The following NCKAP5 variants were observed in gnomAD, a reference collection of about 807,000 sequenced individuals.
NCKAP5 encodes nck-associated protein 5.
NCKAP5 carries 92 observed loss-of-function variants against 167.0 expected under a neutral mutation model. That is an observed-to-expected ratio of 0.55 (90% CI 0.47 to 0.66). The LOEUF (loss-of-function observed/expected upper bound fraction) is 0.66. NCKAP5 is among the 30% of genes least tolerant of loss of function. The pLI is 0.00. For synonymous variants in NCKAP5, 891 were observed against 877.4 expected (o/e 1.02, Z -0.27); for missense variants, 2,378 against 2,315.0 (o/e 1.03, Z -0.56).
At chr2:132,775,434 G>A (rs1682465660) in intron 15 of NCKAP5, among the ~76,000 whole-genome samples, 1 of 152,192 alleles carries the variant, frequency 6.6e-6, no homozygotes, top group Admixed American at 6.5e-5. Flanking sequence ...AGGACAGATC[G>A]TTAAGCGTTC....
At chr2:133,005,860 T>C (rs955404386) in intron 6 of NCKAP5, among the ~76,000 whole-genome samples, 8 of 152,196 alleles carry the variant, frequency 5.3e-5, no homozygotes, top group African/African-American at 1.9e-4. Context: ...AGAAAACTAA[T>C]GTAATAACAA....
intron 8 of NCKAP5, among the ~76,000 whole-genome samples, chr2:132,959,161 A>G (rs2076434457): frequency 1.3e-5 from 2 of 150,884 alleles, no homozygotes; most frequent in Admixed American, 1.3e-4. Flanking sequence ...ATGCACAGCC[A>G]GGTTTGTCTA....
chr2:133,049,408 G>T (rs1413113294), intron 6 of NCKAP5, among the ~76,000 whole-genome samples: 4 of 151,992 alleles, frequency 2.6e-5, no homozygotes, highest in Non-Finnish European at 5.9e-5. Context: ...AGCCAGGCGT[G>T]GTGGCAGGCG....
chr2:133,345,667 A>T (rs182729886), intron 3 of NCKAP5, among the ~76,000 whole-genome samples: 2 of 152,332 alleles, frequency 1.3e-5, no homozygotes, highest in Admixed American at 1.3e-4. Flanking sequence ...GAAGGTCTCA[A>T]TAATGTTGAG....
intron 1 of NCKAP5, among the ~76,000 whole-genome samples, chr2:133,564,357 C>T (rs1688395480): frequency 6.6e-6 from 1 of 152,156 alleles, no homozygotes; most frequent in South Asian, 2.1e-4. Context: ...CATTTTAAAT[C>T]TGTTTTTATT....
chr2:132,788,997 C>T (rs1052925782), intron 13 of NCKAP5, among the ~76,000 whole-genome samples: 1 of 152,128 alleles, frequency 6.6e-6, no homozygotes, highest in Non-Finnish European at 1.5e-5. Flanking sequence ...ATGACCATGA[C>T]AGAGCCCTAT....
At chr2:133,196,438 A>G (rs2085440847) in intron 5 of NCKAP5, among the ~76,000 whole-genome samples, 1 of 152,190 alleles carries the variant, frequency 6.6e-6, no homozygotes, top group South Asian at 2.1e-4. Flanking sequence ...GAGGCACACA[A>G]GCGCTTGACA....
intron 6 of NCKAP5, among the ~76,000 whole-genome samples, chr2:133,029,335 G>T (rs2078801381): frequency 6.6e-6 from 1 of 152,092 alleles, no homozygotes; most frequent in African/African-American, 2.4e-5. Flanking sequence ...TCTGAGGTAG[G>T]CATTACTGTC....
chr2:133,128,787 G>A lies in NCKAP5; in HGVS notation c.341+1191C>T, dbSNP rs571188112. Among the ~76,000 whole-genome samples the A allele has an allele frequency of 2.6e-5, 4 of 152,126 alleles. No individual in the cohort carries two copies. The East Asian group carries it at 5.8e-4, about 22-fold the overall frequency. On this transcript the variant is annotated intron_variant, in intron 6 of 19. Coordinates refer to ENST00000409261, the MANE Select transcript of NCKAP5 (RefSeq NM_207363.3). ...TAATTTTTGTGTTTTTAGTAGAGAT[G>A]AGGCTTTGCCATGTTGGCCAGGCTG...
intron 4 of NCKAP5, among the ~76,000 whole-genome samples, chr2:133,287,991 A>G (rs912189778): frequency 6.6e-6 from 1 of 152,202 alleles, no homozygotes; most frequent in African/African-American, 2.4e-5. Flanking sequence ...GGTTTTACAG[A>G]AAAAACTTCC....
chr2:133,325,928 G>A (rs1433330413), intron 3 of NCKAP5, among the ~76,000 whole-genome samples: 1 of 152,180 alleles, frequency 6.6e-6, no homozygotes, highest in Non-Finnish European at 1.5e-5. Context: ...TTTGCCGGAT[G>A]TCATCAAAAA....
intron 3 of NCKAP5, among the ~76,000 whole-genome samples, chr2:133,466,647 G>C (rs1293273741): frequency 1.3e-5 from 2 of 152,166 alleles, no homozygotes; most frequent in Non-Finnish European, 2.9e-5. Context: ...CATGAGCATG[G>C]AATGTTCTTC....
intron 8 of NCKAP5, among the ~76,000 whole-genome samples, chr2:132,880,449 G>A (rs1691657719): frequency 6.6e-6 from 1 of 152,170 alleles, no homozygotes; most frequent in Non-Finnish European, 1.5e-5. Flanking sequence ...GGCCAACAGG[G>A]TGAAACCCCA....
the NCKAP5 span, among the ~76,000 whole-genome samples, chr2:133,623,176 A>G: frequency 5.9e-5 from 9 of 152,218 alleles, no homozygotes; most frequent in Non-Finnish European, 1.0e-4. Flanking sequence ...ACTTAACTCT[A>G]AGACCTGAAA....
At chr2:133,467,358 G>C (rs1010327320) in intron 3 of NCKAP5, among the ~76,000 whole-genome samples, 1 of 152,160 alleles carries the variant, frequency 6.6e-6, no homozygotes, top group Non-Finnish European at 1.5e-5. Flanking sequence ...CAGGGATGAA[G>C]CCCACTTGAT....
intron 6 of NCKAP5, among the ~76,000 whole-genome samples, chr2:133,017,104 C>T (rs1035537204): frequency 1.3e-4 from 20 of 152,250 alleles, no homozygotes; most frequent in African/African-American, 3.8e-4. Flanking sequence ...ATAATATGAA[C>T]GATGTCTGCA....
chr2:132,837,059 G>A (rs139412453), intron 11 of NCKAP5, among the ~76,000 whole-genome samples: 98 of 152,322 alleles, frequency 6.4e-4, no homozygotes, highest in Non-Finnish European at 1.1e-3. Flanking sequence ...GTAGTAGGTT[G>A]AGCATTTCAT....
intron 4 of NCKAP5, among the ~76,000 whole-genome samples, chr2:133,289,730 A>AG: frequency 6.6e-6 from 1 of 151,890 alleles, no homozygotes; most frequent in Non-Finnish European, 1.5e-5. Context: ...AACAAACAAA[A>AG]AAAAACAGCA....
At chr2:133,020,075 G>A (rs901835293) in intron 6 of NCKAP5, among the ~76,000 whole-genome samples, 3 of 152,178 alleles carry the variant, frequency 2.0e-5, no homozygotes, top group Non-Finnish European at 4.4e-5. Flanking sequence ...TCAAATCCAA[G>A]CTAATTATAA....
Sources: gnomAD v4.1 joint callset for allele counts (sites outside exome capture counted in the v4.1 genomes callset) on GRCh38, gnomAD v4.1.1 for gene constraint, MANE v1.5 for transcripts, NCBI Gene and HGNC (gene_info 2026-07-23, HGNC 2026-07-21) for gene names.